Variants in SEMA3C observed in about 807,000 individuals in gnomAD.
SEMA3C encodes semaphorin 3C.
Under a neutral mutation model 89.4 loss-of-function variants are expected in SEMA3C, and 47 were observed. The observed-to-expected ratio is 0.53, with a 90% CI of 0.42 to 0.67. The LOEUF is 0.67. SEMA3C is among the 30% of genes least tolerant of loss of function. The pLI, the probability that SEMA3C is intolerant of heterozygous loss-of-function variation, is 0.00. For missense variants in SEMA3C, 839 were observed against 929.1 expected, an observed-to-expected ratio of 0.90 and a Z score of 1.26; for synonymous variants, 310 against 320.2, an observed-to-expected ratio of 0.97 and a Z score of 0.34.
At chr7:80,871,450 C>T (rs2116048554) in intron 2 of SEMA3C, among the ~76,000 whole-genome samples, 1 of 152,274 alleles carries the variant, frequency 6.6e-6, no homozygotes, top group African/African-American at 2.4e-5. Flanking sequence ...CCCATTCAAA[C>T]ATTATGCTAA....
intron 2 of SEMA3C, among the ~76,000 whole-genome samples, chr7:80,832,354 A>C (rs571108197): frequency 2.7e-4 from 41 of 152,310 alleles, no homozygotes; most frequent in Non-Finnish European, 5.1e-4. Flanking sequence ...TACTGAACTC[A>C]AAGTATGTTC....
intron 2 of SEMA3C, among the ~76,000 whole-genome samples, chr7:80,865,676 T>C (rs1790909049): frequency 6.6e-6 from 1 of 152,064 alleles, no homozygotes; most frequent in Non-Finnish European, 1.5e-5. Context: ...GCACCTGTAA[T>C]ATCAGCTATT....
At chr7:80,773,647 GTGT>G (rs992828191) in intron 12 of SEMA3C, among the ~76,000 whole-genome samples, 4 of 152,186 alleles carry the variant, frequency 2.6e-5, no homozygotes, top group African/African-American at 9.7e-5. Context: ...CAGAGAGCTT[GTGT>G]TTAAGCATGG....
chr7:80,815,616 T>A (rs1290607917), intron 5 of SEMA3C, among the ~76,000 whole-genome samples: 5 of 134,846 alleles, frequency 3.7e-5, no homozygotes, highest in African/African-American at 1.4e-4. Context: ...AACAGAGTGA[T>A]GAAGGTTATT....
At chr7:80,825,257 A>G (rs1789844597) in intron 4 of SEMA3C, among the ~76,000 whole-genome samples, 1 of 152,150 alleles carries the variant, frequency 6.6e-6, no homozygotes, top group African/African-American at 2.4e-5. Context: ...GATTTGTCAG[A>G]CATTCTTTTC....
intron 12 of SEMA3C, among the ~76,000 whole-genome samples, chr7:80,787,533 A>G (rs1429601749): frequency 6.6e-6 from 1 of 152,082 alleles, no homozygotes; most frequent in Non-Finnish European, 1.5e-5. Flanking sequence ...CTGAAGCAAT[A>G]GGTAAAGTGA....
chr7:80,916,785 T>C lies in SEMA3C; in HGVS notation c.-4A>G. The C allele has an allele frequency of 6.2e-7, 1 of 1,613,406 alleles. No individual in the cohort carries two copies. Reference sequence around the variant, plus strand: ...CGCAAATTGTCCGGAATGCCATTTCTTCAGATATGCAAGTTAATATCCAAG... The same window carrying C: ...CGCAAATTGTCCGGAATGCCATTTCCTCAGATATGCAAGTTAATATCCAAG... On this transcript the variant is annotated 5_prime_UTR_variant, in exon 2 of 18. Coordinates refer to ENST00000265361, the MANE Select transcript of SEMA3C (RefSeq NM_006379.5).
In SEMA3C at chr7:80,768,198, G is replaced by C. The variant is rs17154421; in HGVS notation, c.1355-2955C>G. Among the ~76,000 whole-genome samples, 3,656 of 152,296 alleles carry C rather than the reference G, an allele frequency of 0.024. 269 individuals carry two copies. The East Asian group carries it at 0.28, about 12-fold the overall frequency. ...TTAATTAAAAGGCTCTGAAATATCT[G>C]CTTTGCAGCCGCTTCCTTAGAATTA... is the stretch of plus-strand genomic sequence containing the variant. On this transcript the variant is annotated intron_variant, in intron 12 of 17. Transcript: ENST00000265361.
intron 2 of SEMA3C, among the ~76,000 whole-genome samples, chr7:80,892,431 C>T (rs898579335): frequency 1.3e-5 from 2 of 151,982 alleles, no homozygotes; most frequent in African/African-American, 4.8e-5. Context: ...TTCTCTACTT[C>T]TTATTCAAGA....
intron 13 of SEMA3C, 32 bp downstream of exon 13, chr7:80,765,123 T>G (rs769211611): frequency 6.2e-6 from 9 of 1,456,516 alleles, no homozygotes; most frequent in Non-Finnish European, 8.6e-6. Flanking sequence ...TCATCATGCA[T>G]GTTCTGAGAT....
chr7:80,832,039 A>G (rs1269862606), intron 2 of SEMA3C, among the ~76,000 whole-genome samples: 3 of 152,202 alleles, frequency 2.0e-5, no homozygotes, highest in Middle Eastern at 6.3e-3. Context: ...CTTCAGGTAG[A>G]GATGTTCAGT....
chr7:80,747,885 T>C (rs150015737), intron 17 of SEMA3C, among the ~76,000 whole-genome samples: 2 of 152,256 alleles, frequency 1.3e-5, no homozygotes, highest in East Asian at 3.9e-4. Context: ...CACAATTTCC[T>C]AAACAGCTCC....
At chr7:80,792,497 T>A (rs2115604233) in intron 11 of SEMA3C, among the ~76,000 whole-genome samples, 1 of 152,316 alleles carries the variant, frequency 6.6e-6, no homozygotes, top group South Asian at 2.1e-4. Flanking sequence ...TTTACATAAT[T>A]TCCAGTTAGT....
At chr7:80,896,801 A>C (rs1791748787) in intron 2 of SEMA3C, among the ~76,000 whole-genome samples, 1 of 152,094 alleles carries the variant, frequency 6.6e-6, no homozygotes, top group Admixed American at 6.5e-5. Context: ...ACTTTTCTAG[A>C]AGCCCCTTCA....
chr7:80,795,338 C>T (rs1949973), intron 11 of SEMA3C, among the ~76,000 whole-genome samples: 2 of 152,146 alleles, frequency 1.3e-5, no homozygotes, highest in South Asian at 2.1e-4. Context: ...AAAGGTCACT[C>T]CTACCCTGCC....
intron 2 of SEMA3C, among the ~76,000 whole-genome samples, chr7:80,878,679 C>T (rs530963337): frequency 1.3e-5 from 2 of 151,958 alleles, no homozygotes; most frequent in African/African-American, 4.8e-5. Context: ...GTGTCCAGTA[C>T]ACCTAATACA....
At chr7:80,869,804 C>A (rs1791013922) in intron 2 of SEMA3C, among the ~76,000 whole-genome samples, 2 of 152,110 alleles carry the variant, frequency 1.3e-5, no homozygotes, top group Non-Finnish European at 1.5e-5. Flanking sequence ...CTCCCTCATT[C>A]CTCAAACCAA....
intron 2 of SEMA3C, among the ~76,000 whole-genome samples, chr7:80,912,388 T>C (rs928673423): frequency 6.6e-6 from 1 of 152,196 alleles, no homozygotes; most frequent in African/African-American, 2.4e-5. Context: ...CTACATTTCT[T>C]AGCAATTCTT....
At position 80,827,349 on chromosome 7, in the gene SEMA3C, C is replaced by T. The variant is rs150116318; in HGVS notation, c.327+76G>A. On this transcript the variant is annotated intron_variant, in intron 4 of 17. Transcript: ENST00000265361. ...ACCATCCTTGTCTCATTTTTGGCTT[C>T]CCTCAAAGTACATGGATTCGAAAAC... 90 of 1,391,500 alleles carry T rather than the reference C, an allele frequency of 6.5e-5. No individual in the cohort carries two copies. The African/African-American group carries it at 1.3e-3, about 20-fold the overall frequency. 86.2% of individuals were successfully genotyped at this position (1,391,500 alleles called of 1,614,324 possible).
Sources: gnomAD v4.1 joint callset for allele counts (sites outside exome capture counted in the v4.1 genomes callset) on GRCh38, gnomAD v4.1.1 for gene constraint, MANE v1.5 for transcripts, NCBI Gene and HGNC (gene_info 2026-07-23, HGNC 2026-07-21) for gene names.